AGMO: variants seen among roughly 807,000 people sequenced by gnomAD.
The protein encoded by AGMO is alkylglycerol monooxygenase, also known as glyceryl-ether monooxygenase.
Under a neutral mutation model 60.2 loss-of-function variants are expected in AGMO, and 75 were observed. That is an observed-to-expected ratio of 1.25 (90% CI 1.03 to 1.51). AGMO has a LOEUF of 1.51. AGMO is among the 40% of genes most tolerant of loss of function. The pLI is 0.00. For synonymous variants in AGMO, 261 were observed against 177.1 expected (o/e 1.47, Z -3.76); for missense variants, 763 against 525.5 (o/e 1.45, Z -4.42).
At chr7:15,322,855 G>C (rs1781216489) in intron 12 of AGMO, among the ~76,000 whole-genome samples, 1 of 142,248 alleles carries the variant, frequency 7.0e-6, no homozygotes, top group Non-Finnish European at 1.5e-5. Context: ...AAAAAAATGT[G>C]ACACATAACA....
At chr7:15,503,125 T>C (rs1783429610) in intron 3 of AGMO, among the ~76,000 whole-genome samples, 2 of 152,024 alleles carry the variant, frequency 1.3e-5, no homozygotes. Context: ...ATTCATGTAT[T>C]CATTCAGTTC....
intron 12 of AGMO, among the ~76,000 whole-genome samples, chr7:15,317,059 T>A (rs962531590): frequency 6.6e-6 from 1 of 152,176 alleles, no homozygotes; most frequent in Non-Finnish European, 1.5e-5. Context: ...TAAAAATACT[T>A]CCAGTTTACA....
At chr7:15,141,233 G>C in the AGMO span, among the ~76,000 whole-genome samples, 2 of 152,020 alleles carry the variant, frequency 1.3e-5, no homozygotes, top group East Asian at 3.9e-4. Context: ...TCTTTTTGTG[G>C]TTTATGGTTT....
intron 3 of AGMO, among the ~76,000 whole-genome samples, chr7:15,510,848 T>G (rs944123413): frequency 3.4e-5 from 5 of 148,386 alleles, no homozygotes; most frequent in Admixed American, 2.7e-4. Flanking sequence ...AACAAGAGTT[T>G]ATATTATAAT....
At chr7:15,484,802 A>G (rs1433900607) in intron 3 of AGMO, among the ~76,000 whole-genome samples, 1 of 152,174 alleles carries the variant, frequency 6.6e-6, no homozygotes. Context: ...CAACAAACTC[A>G]AAATGTCTCA....
At chr7:15,310,213 CAA>C (rs1780730034) in intron 12 of AGMO, among the ~76,000 whole-genome samples, 1 of 152,102 alleles carries the variant, frequency 6.6e-6, no homozygotes, top group Admixed American at 6.6e-5. Context: ...GTTATTTAAA[CAA>C]ATGCAAAAGT....
At chr7:15,307,482 A>G (rs1479973542) in intron 12 of AGMO, among the ~76,000 whole-genome samples, 1 of 152,078 alleles carries the variant, frequency 6.6e-6, no homozygotes, top group East Asian at 1.9e-4. Context: ...ATTTGTTTTA[A>G]AACTAGTAAG....
intron 12 of AGMO, among the ~76,000 whole-genome samples, chr7:15,273,630 TTAAAG>T (rs1783684199): frequency 6.6e-6 from 1 of 152,150 alleles, no homozygotes; most frequent in Non-Finnish European, 1.5e-5. Context: ...CATATGAACT[TTAAAG>T]TAGTTTTTTC....
chr7:15,365,393 A>AAAAAAAAAAAAAAAAAAAAACAAAAC, intron 12 of AGMO, 121 bp downstream of exon 12: 1 of 487,894 alleles, frequency 2.0e-6, no homozygotes, highest in Non-Finnish European at 3.5e-6. Flanking sequence ...AAAAAAAAAA[A>AAAAAAAAAAAAAAAAAAAAACAAAAC]AAGATCAAGA....
At chr7:15,187,883 C>T in the AGMO span, among the ~76,000 whole-genome samples, 5 of 113,188 alleles carry the variant, frequency 4.4e-5, no homozygotes, top group African/African-American at 1.1e-4. Flanking sequence ...CGGGTAAATT[C>T]GTGACAAGGA....
At chr7:15,176,406 G>T in the AGMO span, among the ~76,000 whole-genome samples, 1 of 151,844 alleles carries the variant, frequency 6.6e-6, no homozygotes, top group African/African-American at 2.4e-5. Flanking sequence ...AATATTTAAA[G>T]AAATGTTTCT....
At chr7:15,417,940 G>A (rs2128494101) in intron 5 of AGMO, among the ~76,000 whole-genome samples, 1 of 152,018 alleles carries the variant, frequency 6.6e-6, no homozygotes, top group South Asian at 2.1e-4. Context: ...CAATAGGATT[G>A]GTACAAATAT....
At chr7:15,389,579 T>A (rs1312840197) in intron 8 of AGMO, among the ~76,000 whole-genome samples, 1 of 152,178 alleles carries the variant, frequency 6.6e-6, no homozygotes, top group African/African-American at 2.4e-5. Flanking sequence ...TGCCTTTCAC[T>A]GAACAACTGA....
rs565062804 is a variant in AGMO, at chr7:15,451,815, C to CA, written c.410-20708dup. Among the ~76,000 whole-genome samples, 26 of 151,110 alleles carry CA rather than the reference C, an allele frequency of 1.7e-4. No homozygotes were observed. In the South Asian group the frequency reaches 2.1e-3, roughly 12 times the overall value. ...CCACAGCAGAAGAAGATTTATAGAC[C>CA]AAAAAAAAGGGAAATGACGTACAGA... On this transcript the variant is annotated intron_variant, in intron 3 of 12. Coordinates refer to ENST00000342526, the MANE Select transcript of AGMO (RefSeq NM_001004320.2).
At chr7:15,545,981 T>C (rs1162037189) in intron 2 of AGMO, among the ~76,000 whole-genome samples, 5 of 152,082 alleles carry the variant, frequency 3.3e-5, no homozygotes, top group East Asian at 3.9e-4. Flanking sequence ...TAATTTTAGA[T>C]AAAAGTGGAA....
At chr7:15,444,755 T>A (rs1165668804) in intron 3 of AGMO, among the ~76,000 whole-genome samples, 1 of 152,170 alleles carries the variant, frequency 6.6e-6, no homozygotes, top group East Asian at 1.9e-4. Context: ...ATGACTTCAA[T>A]AGGCACATAT....
chr7:15,395,886 A>C lies in AGMO; in HGVS notation c.610-1707T>G, dbSNP rs200166246. Reference sequence around the variant, plus strand: ...AACACCCAATTTACAGTTGCTCAATACATGTGAATAGGTGGGGTGACCATA... The same window carrying C: ...AACACCCAATTTACAGTTGCTCAATCCATGTGAATAGGTGGGGTGACCATA... On this transcript the variant is annotated intron_variant, in intron 5 of 12. Coordinates refer to ENST00000342526, the MANE Select transcript of AGMO (RefSeq NM_001004320.2). Among the ~76,000 whole-genome samples, 26 of 152,268 alleles carry C rather than the reference A, an allele frequency of 1.7e-4. No homozygotes were observed. In the East Asian group the frequency reaches 4.4e-3, roughly 26 times the overall value.
chr7:15,522,378 A>G (rs1332035696), intron 3 of AGMO, among the ~76,000 whole-genome samples: 1 of 152,200 alleles, frequency 6.6e-6, no homozygotes, highest in Non-Finnish European at 1.5e-5. Flanking sequence ...ACCAAAAAAG[A>G]GCCTGTATAG....
intron 12 of AGMO, among the ~76,000 whole-genome samples, chr7:15,274,771 T>A (rs1783731047): frequency 6.6e-6 from 1 of 151,918 alleles, no homozygotes; most frequent in South Asian, 2.1e-4. Flanking sequence ...GAATTTCTAA[T>A]GTTTCCTGGT....
Sources: allele counts gnomAD v4.1 joint callset (sites outside exome capture counted in the v4.1 genomes callset), GRCh38; gene constraint gnomAD v4.1.1; transcripts MANE v1.5; gene names NCBI Gene and HGNC (gene_info 2026-07-23, HGNC 2026-07-21).